Variants in STIM1 observed in about 807,000 individuals in gnomAD.
The protein encoded by STIM1 is stromal interaction molecule 1.
STIM1 carries 25 observed loss-of-function variants against 74.7 expected under a neutral mutation model. That is an observed-to-expected ratio of 0.33 (90% CI 0.24 to 0.47). STIM1 has a LOEUF of 0.47. Among genes scored for constraint, STIM1 ranks in the 20% least tolerant of loss-of-function variants. The pLI, the probability that STIM1 is intolerant of heterozygous loss-of-function variation, is 1.00. For missense variants in STIM1, 728 were observed against 920.8 expected, an observed-to-expected ratio of 0.79 and a Z score of 2.71; for synonymous variants, 328 against 348.8, an observed-to-expected ratio of 0.94 and a Z score of 0.66.
At chr11:4,058,714 G>A (rs1412736490) in intron 4 of STIM1, 2 of 827,148 alleles carry the variant, frequency 2.4e-6, no homozygotes, top group East Asian at 2.4e-4. Context: ...GAGGTAACTT[G>A]TATTGCAGTG....
chr11:4,015,269 G>T (rs543655495), intron 2 of STIM1, among the ~76,000 whole-genome samples: 3 of 152,330 alleles, frequency 2.0e-5, no homozygotes, highest in Admixed American at 6.5e-5. Context: ...CTCAGCATTT[G>T]CTTGTCTGTA....
chr11:4,088,386 G>A (rs1337009330), intron 12 of STIM1, among the ~76,000 whole-genome samples: 1 of 152,090 alleles, frequency 6.6e-6, no homozygotes. Context: ...ATTCAGCTCT[G>A]CCCCTTAAAC....
intron 1 of STIM1, among the ~76,000 whole-genome samples, chr11:3,860,440 C>T (rs537038752): frequency 2.9e-4 from 44 of 152,324 alleles, no homozygotes; most frequent in African/African-American, 1.0e-3. Context: ...TCTGATTCTT[C>T]TCTCTACCTC....
At chr11:4,041,335 C>T (rs903130025) in intron 3 of STIM1, among the ~76,000 whole-genome samples, 1 of 152,130 alleles carries the variant, frequency 6.6e-6, no homozygotes, top group Admixed American at 6.6e-5. Context: ...GGTTAACTCA[C>T]CCTTTACCTG....
chr11:4,091,759 G>T lies in STIM1; in HGVS notation c.2112G>T (p.Lys704Asn), dbSNP rs758590974. The part of the protein sequence containing the change: ...EETDSSPGRK[K>N]FPLKIFKKPL... ...CAGACTCCAGCCCAGGCCGGAAGAA[G>T]TTTCCCCTCAAAATCTTTAAGAAGC... Residue 704 changes from lysine (K) to asparagine (N), a missense_variant, in exon 13 of 13, where the codon AAG becomes AAT. Lys to Asn is a moderately conservative substitution (Grantham distance 94, BLOSUM62 0). Transcript: ENST00000526596. 2 of 1,610,852 alleles carry T rather than the reference G, an allele frequency of 1.2e-6. No individual in the cohort carries two copies. Among genetic ancestry groups the T allele is most frequent in the Non-Finnish European group, 1.7e-6 (2 of 1,180,030 alleles).
rs1590578270 is a variant in STIM1, at chr11:3,933,074, A to G, written c.140-34478A>G. On this transcript the variant is annotated intron_variant, in intron 1 of 12. Coordinates refer to ENST00000526596, the MANE Select transcript of STIM1 (RefSeq NM_001382567.1). ...ATTACAATTGATCATGTGTTCTCAC[A>G]CCCATCCATTGTCTTGAGTACACCT... Among the ~76,000 whole-genome samples, 3 of 152,242 alleles carry G rather than the reference A, an allele frequency of 2.0e-5. No homozygotes were observed. The South Asian group carries it at 6.2e-4, about 32-fold the overall frequency.
rs376771440 is a variant in STIM1 at position 3,904,101 on chromosome 11, G to A, written c.139+47692G>A. 1.0e-3 allele frequency among the ~76,000 whole-genome samples: 152 copies of A among 149,602 alleles called. 5 individuals carry two copies. The South Asian group carries it at 0.032, about 32-fold the overall frequency. On this transcript the variant is annotated intron_variant, in intron 1 of 12. Transcript: ENST00000526596. ...AATCTCAGCTAGACAGGAGGCTGAG[G>A]CAGGAGAATTGCTTGAACCCGGGAG...
At chr11:3,962,195 A>T (rs2093293526) in intron 1 of STIM1, among the ~76,000 whole-genome samples, 1 of 152,142 alleles carries the variant, frequency 6.6e-6, no homozygotes, top group African/African-American at 2.4e-5. Context: ...AATAGGGTAC[A>T]TTGTACCCAA....
At chr11:4,066,997 A>G (rs1252673010) in intron 5 of STIM1, among the ~76,000 whole-genome samples, 1 of 152,200 alleles carries the variant, frequency 6.6e-6, no homozygotes, top group African/African-American at 2.4e-5. Context: ...GGGACCCGAC[A>G]ATTCTTACAT....
At chr11:4,064,018 C>T (rs2094349475) in intron 5 of STIM1, among the ~76,000 whole-genome samples, 1 of 152,102 alleles carries the variant, frequency 6.6e-6, no homozygotes, top group African/African-American at 2.4e-5. Context: ...TTCAGTTCTG[C>T]CTAGATTTGG....
At chr11:3,949,487 T>C (rs1035271380) in intron 1 of STIM1, among the ~76,000 whole-genome samples, 2 of 152,222 alleles carry the variant, frequency 1.3e-5, no homozygotes, top group Admixed American at 1.3e-4. Flanking sequence ...TTCCCAGTCT[T>C]GGGGATTTGA....
rs201523207 is a variant in STIM1, at chr11:4,074,581, A to G, written c.871A>G (p.Asn291Asp). 4.3e-6 allele frequency: 7 copies of G among 1,613,828 alleles called. No homozygotes were observed. The African/African-American group carries it at 6.7e-5, about 15-fold the overall frequency. Residue 291 changes from asparagine (N) to aspartate (D), a missense_variant, in exon 7 of 13, where the codon AAC becomes GAC. Transcript: ENST00000526596. ...GGAAAAGAAGCTGCGCGATGAGATCAACCTTGCTAAGCAGGAAGCCCAGCG... is the reference window on the plus strand; with the variant it reads ...GGAAAAGAAGCTGCGCGATGAGATCGACCTTGCTAAGCAGGAAGCCCAGCG... ...HLEKKLRDEI[N>D]LAKQEAQRLK...
chr11:3,856,277 G>A lies in STIM1; in HGVS notation c.7G>A (p.Val3Ile), dbSNP rs1060499904. Residue 3 changes from valine (V) to isoleucine (I), a missense_variant, in exon 1 of 13, where the codon GTA (valine) becomes ATA (isoleucine). Val to Ile is a conservative substitution (Grantham distance 29). Transcript: ENST00000526596. ...TTGACTGAGACCTAGAGTCATGGAT[G>A]TATGCGTCCGTCTTGCCCTGTGGCT... MD[V>I]CVRLALWLLW... The A allele has an allele frequency of 1.9e-6, 3 of 1,614,144 alleles. No homozygotes were observed. Among genetic ancestry groups the A allele is most frequent in the Non-Finnish European group, 2.5e-6 (3 of 1,180,030 alleles).
chr11:3,975,043 G>T (rs1010088567), intron 2 of STIM1, among the ~76,000 whole-genome samples: 1 of 152,134 alleles, frequency 6.6e-6, no homozygotes, highest in Non-Finnish European at 1.5e-5. Context: ...CTATTCGAAG[G>T]CTAGGGATTC....
intron 3 of STIM1, among the ~76,000 whole-genome samples, chr11:4,035,266 G>GTTTTTTTTT (rs55788240): frequency 2.2e-5 from 3 of 136,618 alleles, no homozygotes; most frequent in African/African-American, 2.7e-5. Flanking sequence ...GGTGTATTGT[G>GTTTTTTTTT]TTTTTTTTTT....
At chr11:4,057,677 T>G (rs2094300644) in intron 4 of STIM1, among the ~76,000 whole-genome samples, 1 of 152,156 alleles carries the variant, frequency 6.6e-6, no homozygotes, top group Non-Finnish European at 1.5e-5. Context: ...GAGACTATCC[T>G]GGCTAACATG....
intron 1 of STIM1, among the ~76,000 whole-genome samples, chr11:3,869,093 C>T (rs575781447): frequency 6.6e-5 from 10 of 152,238 alleles, no homozygotes; most frequent in Non-Finnish European, 1.5e-4. Flanking sequence ...CTCAGCCTCC[C>T]GAGTAGCGGG....
At chr11:3,863,862 C>A (rs2090739598) in intron 1 of STIM1, among the ~76,000 whole-genome samples, 1 of 151,960 alleles carries the variant, frequency 6.6e-6, no homozygotes, top group African/African-American at 2.4e-5. Context: ...TACAATTATT[C>A]CGCTTTATTA....
At chr11:3,899,873 G>C (rs2092301026) in intron 1 of STIM1, among the ~76,000 whole-genome samples, 1 of 151,878 alleles carries the variant, frequency 6.6e-6, no homozygotes, top group African/African-American at 2.4e-5. Flanking sequence ...AAGCCCACTT[G>C]ATCATGGTGG....
Sources: allele counts gnomAD v4.1 joint callset (sites outside exome capture counted in the v4.1 genomes callset), GRCh38; gene constraint gnomAD v4.1.1; transcripts MANE v1.5; gene names NCBI Gene and HGNC (gene_info 2026-07-23, HGNC 2026-07-21).